GAP43: variants seen among roughly 807,000 people sequenced by gnomAD.
The protein encoded by GAP43 is growth associated protein 43, also known as neuromodulin.
A neutral mutation model predicts 18.6 loss-of-function variants in GAP43; 6 were observed. That is an observed-to-expected ratio of 0.32 (90% confidence interval 0.18 to 0.64). The LOEUF is 0.64. Ranked by LOEUF, GAP43 falls within the 30% of genes least tolerant of loss-of-function variation. GAP43 has a pLI of 0.78. For synonymous variants in GAP43, 115 were observed against 111.4 expected, an observed-to-expected ratio of 1.03 and a Z score of -0.20; for missense variants, 292 against 295.5, an observed-to-expected ratio of 0.99 and a Z score of 0.09.
intron 1 of GAP43, among the ~76,000 whole-genome samples, chr3:115,649,842 A>G (rs1004252108): frequency 9.7e-5 from 11 of 113,700 alleles, no homozygotes; most frequent in Admixed American, 3.6e-4. Context: ...AAGAAAGAAA[A>G]AGAAAAGAAA....
At chr3:115,649,243 C>T (rs905312053) in intron 1 of GAP43, among the ~76,000 whole-genome samples, 1 of 152,082 alleles carries the variant, frequency 6.6e-6, no homozygotes, top group Non-Finnish European at 1.5e-5. Context: ...AGAAGGGCAA[C>T]AAGGAATAAA....
intron 1 of GAP43, among the ~76,000 whole-genome samples, chr3:115,674,062 T>C (rs1181065093): frequency 6.6e-6 from 1 of 152,174 alleles, no homozygotes; most frequent in Admixed American, 6.5e-5. Flanking sequence ...AGGAGCTGGG[T>C]CACTGGGGCA....
At chr3:115,654,821 C>G (rs1318251243) in intron 1 of GAP43, among the ~76,000 whole-genome samples, 1 of 152,060 alleles carries the variant, frequency 6.6e-6, no homozygotes, top group East Asian at 1.9e-4. Flanking sequence ...ATACCAAGTC[C>G]ATTTTCCAGA....
rs774222229 is a variant in GAP43, at chr3:115,665,290, G to A, written c.31-10723G>A. On this transcript the variant is annotated intron_variant, in intron 1 of 2. Coordinates refer to ENST00000305124, the MANE Select transcript of GAP43 (RefSeq NM_002045.4). The stretch of plus-strand genomic sequence containing the variant: ...TCTGAAATATAGACCAATTTTGCTC[G>A]TTAAAACTACTTCAAGTAGTCCTAG... 4.6e-5 allele frequency among the ~76,000 whole-genome samples: 7 copies of A among 152,210 alleles called. No homozygotes were observed. In the South Asian group the frequency reaches 6.2e-4, roughly 14 times the overall value.
intron 1 of GAP43, among the ~76,000 whole-genome samples, chr3:115,660,925 G>T (rs1708650195): frequency 6.6e-6 from 1 of 152,120 alleles, no homozygotes; most frequent in South Asian, 2.1e-4. Context: ...CTGTTGCCAG[G>T]TCACTGTGCT....
chr3:115,686,222 T>G (rs770401694), intron 2 of GAP43, among the ~76,000 whole-genome samples: 3 of 152,232 alleles, frequency 2.0e-5, no homozygotes, highest in Admixed American at 1.3e-4. Flanking sequence ...TCTAAAATAC[T>G]AAGAATAGTA....
intron 2 of GAP43, among the ~76,000 whole-genome samples, chr3:115,683,139 GCGCGCGCGCACACACA>G (rs1201648505): frequency 4.8e-5 from 6 of 126,202 alleles, no homozygotes; most frequent in African/African-American, 1.9e-4. Context: ...GCGCGTGCGC[GCGCGCGCGCACACACA>G]CACACACACA....
chr3:115,678,476 TATG>T (rs1421756090), intron 2 of GAP43, among the ~76,000 whole-genome samples: 4 of 152,180 alleles, frequency 2.6e-5, no homozygotes, highest in Admixed American at 6.5e-5. Context: ...TGTTTCAGGT[TATG>T]ATAACTAACT....
At chr3:115,668,825 G>A (rs1708767853) in intron 1 of GAP43, among the ~76,000 whole-genome samples, 1 of 152,090 alleles carries the variant, frequency 6.6e-6, no homozygotes, top group Non-Finnish European at 1.5e-5. Context: ...GATGGCTTGA[G>A]TCCAGGAGTT....
At chr3:115,660,278 A>AC (rs1223370283) in intron 1 of GAP43, among the ~76,000 whole-genome samples, 1 of 152,194 alleles carries the variant, frequency 6.6e-6, no homozygotes, top group Non-Finnish European at 1.5e-5. Context: ...CATATTCCAA[A>AC]ATTCCCAGTA....
At chr3:115,669,965 A>ATTTTTTTT (rs555813051) in intron 1 of GAP43, among the ~76,000 whole-genome samples, 1 of 100,720 alleles carries the variant, frequency 9.9e-6, no homozygotes, top group Non-Finnish European at 2.2e-5. Flanking sequence ...TCATCTTTTT[A>ATTTTTTTT]TTTTTATTTT....
intron 1 of GAP43, among the ~76,000 whole-genome samples, chr3:115,625,206 C>CATAAATAAAAAA: frequency 7.0e-6 from 1 of 143,456 alleles, no homozygotes; most frequent in African/African-American, 2.6e-5. Context: ...AGAGATTTGG[C>CATAAATAAAAAA]ATAAATAAAT....
intron 1 of GAP43, among the ~76,000 whole-genome samples, chr3:115,638,393 C>T (rs1708356142): frequency 6.6e-6 from 1 of 152,008 alleles, no homozygotes; most frequent in South Asian, 2.1e-4. Flanking sequence ...AAAACATGTT[C>T]ACACTTCAAG....
intron 2 of GAP43, among the ~76,000 whole-genome samples, chr3:115,696,187 C>G (rs1709186694): frequency 6.6e-6 from 1 of 152,110 alleles, no homozygotes; most frequent in South Asian, 2.1e-4. Flanking sequence ...TAATAGATAC[C>G]TCAAATTAAA....
At chr3:115,693,240 T>C (rs1404131718) in intron 2 of GAP43, among the ~76,000 whole-genome samples, 2 of 152,188 alleles carry the variant, frequency 1.3e-5, no homozygotes, top group Non-Finnish European at 2.9e-5. Flanking sequence ...GGTGTCTTCT[T>C]TGCATCATAC....
At chr3:115,673,903 G>A (rs1275943365) in intron 1 of GAP43, among the ~76,000 whole-genome samples, 2 of 152,204 alleles carry the variant, frequency 1.3e-5, no homozygotes, top group Non-Finnish European at 2.9e-5. Flanking sequence ...GAATTTGACT[G>A]AGAAAATTAT....
chr3:115,696,586 C>CA (rs891950120), intron 2 of GAP43, among the ~76,000 whole-genome samples: 1 of 128,332 alleles, frequency 7.8e-6, no homozygotes, highest in Non-Finnish European at 1.6e-5. Context: ...CCGCCCCCCC[C>CA]CCCCACAAAC....
At chr3:115,699,596 C>G (rs1367564408) in intron 2 of GAP43, among the ~76,000 whole-genome samples, 2 of 152,160 alleles carry the variant, frequency 1.3e-5, no homozygotes, top group Admixed American at 6.5e-5. Flanking sequence ...TTAATACCAA[C>G]ACTGAATGGA....
intron 1 of GAP43, among the ~76,000 whole-genome samples, chr3:115,638,017 CAAAA>C (rs1708352151): frequency 1.3e-5 from 2 of 151,756 alleles, no homozygotes; most frequent in Admixed American, 1.3e-4. Flanking sequence ...TATAAATAAA[CAAAA>C]GAAAGAAATA....
Sources: allele counts gnomAD v4.1 joint callset (sites outside exome capture counted in the v4.1 genomes callset), GRCh38; gene constraint gnomAD v4.1.1; transcripts MANE v1.5; gene names NCBI Gene and HGNC (gene_info 2026-07-23, HGNC 2026-07-21).